The following NEK7 variants were observed in gnomAD, a reference collection of about 807,000 sequenced individuals.
NEK7 encodes serine/threonine-protein kinase Nek7.
In NEK7, 18 loss-of-function variants were observed where a neutral mutation model predicts 44.6. That is an observed-to-expected ratio of 0.40 (90% confidence interval 0.28 to 0.60). The LOEUF is 0.60. Ranked by LOEUF, NEK7 falls within the 20% of genes least tolerant of loss-of-function variation. The pLI is 0.38. For synonymous variants in NEK7, 130 were observed against 121.1 expected (o/e 1.07, Z -0.48); for missense variants, 256 against 366.5 (o/e 0.70, Z 2.46).
intron 9 of NEK7, among the ~76,000 whole-genome samples, chr1:198,313,585 TC>T (rs1032309379): frequency 2.9e-5 from 4 of 137,318 alleles, no homozygotes; most frequent in Non-Finnish European, 6.1e-5. Context: ...TACCGGTTGT[TC>T]CTTTCCATGT....
At chr1:198,222,100 A>G (rs1666090134) in intron 1 of NEK7, among the ~76,000 whole-genome samples, 2 of 152,032 alleles carry the variant, frequency 1.3e-5, no homozygotes, top group South Asian at 4.1e-4. Flanking sequence ...TCATTTAATT[A>G]GCGCTTGTGT....
chr1:198,167,822 T>A (rs1664313261), intron 1 of NEK7, among the ~76,000 whole-genome samples: 1 of 152,188 alleles, frequency 6.6e-6, no homozygotes, highest in Admixed American at 6.5e-5. Flanking sequence ...TCAAGAACAT[T>A]ATGATGAGTA....
At chr1:198,279,608 A>G (rs901313373) in intron 7 of NEK7, among the ~76,000 whole-genome samples, 4 of 151,958 alleles carry the variant, frequency 2.6e-5, no homozygotes, top group Non-Finnish European at 4.4e-5. Context: ...AAATGGTGAC[A>G]ATCAGAATTA....
At chr1:198,211,099 TTAA>T (rs1447670611) in intron 1 of NEK7, among the ~76,000 whole-genome samples, 1 of 152,182 alleles carries the variant, frequency 6.6e-6, no homozygotes, top group African/African-American at 2.4e-5. Context: ...TATTAGGTTG[TTAA>T]TAAAGTTAAG....
chr1:198,292,072 C>A (rs1654575768), intron 7 of NEK7, among the ~76,000 whole-genome samples: 1 of 151,964 alleles, frequency 6.6e-6, no homozygotes, highest in African/African-American at 2.4e-5. Context: ...TAAACTTTGA[C>A]TTTCTATTTG....
intron 1 of NEK7, among the ~76,000 whole-genome samples, chr1:198,168,471 T>G (rs888726815): frequency 3.3e-5 from 5 of 152,160 alleles, no homozygotes; most frequent in African/African-American, 1.2e-4. Flanking sequence ...TTGTGAACTT[T>G]GTGGGGTATT....
intron 1 of NEK7, chr1:198,207,088 CTTCT>C (rs1263382040): frequency 6.6e-6 from 1 of 152,064 alleles, no homozygotes; most frequent in Non-Finnish European, 1.5e-5. Context: ...TTACTTGTTT[CTTCT>C]TTATCACTTG....
At chr1:198,273,794 A>G (rs1261054199) in intron 5 of NEK7, among the ~76,000 whole-genome samples, 1 of 151,756 alleles carries the variant, frequency 6.6e-6, no homozygotes. Flanking sequence ...TATTATTTTT[A>G]AGTATGAAAT....
intron 1 of NEK7, among the ~76,000 whole-genome samples, chr1:198,187,719 C>T (rs1183310504): frequency 6.6e-6 from 1 of 152,166 alleles, no homozygotes; most frequent in African/African-American, 2.4e-5. Context: ...TCGTTAGTGT[C>T]AGTATCTAAA....
At chr1:198,246,932 T>A (rs1189012848) in intron 2 of NEK7, among the ~76,000 whole-genome samples, 3 of 152,258 alleles carry the variant, frequency 2.0e-5, no homozygotes, top group Non-Finnish European at 4.4e-5. Flanking sequence ...AGTGCATCAA[T>A]ATAAACAATT....
intron 9 of NEK7, among the ~76,000 whole-genome samples, chr1:198,304,319 A>C (rs1431315478): frequency 1.3e-5 from 2 of 151,894 alleles, no homozygotes; most frequent in African/African-American, 4.8e-5. Flanking sequence ...CTTTCCCTTT[A>C]CCCCCAATTC....
intron 7 of NEK7, among the ~76,000 whole-genome samples, chr1:198,288,088 G>T (rs1228753434): frequency 6.6e-6 from 1 of 152,150 alleles, no homozygotes; most frequent in East Asian, 1.9e-4. Flanking sequence ...GGTGCCACCT[G>T]TGGTCACATA....
intron 2 of NEK7, among the ~76,000 whole-genome samples, chr1:198,246,379 T>C (rs1176292953): frequency 6.6e-6 from 1 of 152,030 alleles, no homozygotes; most frequent in African/African-American, 2.4e-5. Flanking sequence ...AGAAAGGCCA[T>C]GGGGGGAAAA....
At chr1:198,209,097 A>C (rs1049801033) in intron 1 of NEK7, among the ~76,000 whole-genome samples, 1 of 105,578 alleles carries the variant, frequency 9.5e-6, no homozygotes, top group Non-Finnish European at 1.8e-5. Context: ...ATACACACAT[A>C]TGTACACACA....
At chr1:198,185,850 G>C (rs1664906199) in intron 1 of NEK7, among the ~76,000 whole-genome samples, 1 of 152,168 alleles carries the variant, frequency 6.6e-6, no homozygotes, top group South Asian at 2.1e-4. Context: ...TGTTCAGTTT[G>C]ATTGGTGATT....
At chr1:198,199,408 C>T (rs1199319036) in intron 1 of NEK7, among the ~76,000 whole-genome samples, 1 of 152,196 alleles carries the variant, frequency 6.6e-6, no homozygotes, top group Non-Finnish European at 1.5e-5. Context: ...GGGTGATCTG[C>T]ACAGCACACC....
intron 1 of NEK7, among the ~76,000 whole-genome samples, chr1:198,190,268 C>CAACAAA (rs1160500451): frequency 6.6e-6 from 1 of 152,010 alleles, no homozygotes; most frequent in African/African-American, 2.4e-5. Flanking sequence ...CAGTCAGTTG[C>CAACAAA]AACAAACAAC....
chr1:198,213,799 C>T (rs1198272466), intron 1 of NEK7, among the ~76,000 whole-genome samples: 1 of 152,146 alleles, frequency 6.6e-6, no homozygotes, highest in African/African-American at 2.4e-5. Context: ...AGGGTGGGAC[C>T]TCTGCCCACC....
intron 9 of NEK7, among the ~76,000 whole-genome samples, chr1:198,314,528 G>A (rs1394965834): frequency 6.6e-6 from 1 of 152,124 alleles, no homozygotes; most frequent in Non-Finnish European, 1.5e-5. Flanking sequence ...AGAGTTTCCA[G>A]TTTTTCTGCT....
Sources: allele counts gnomAD v4.1 joint callset (sites outside exome capture counted in the v4.1 genomes callset), GRCh38; gene constraint gnomAD v4.1.1; transcripts MANE v1.5; gene names NCBI Gene and HGNC (gene_info 2026-07-23, HGNC 2026-07-21).